The following PDE3A variants were observed in gnomAD, a reference collection of about 807,000 sequenced individuals.
PDE3A encodes cGMP-inhibited 3',5'-cyclic phosphodiesterase 3A.
In PDE3A, 43 loss-of-function variants were observed where a neutral mutation model predicts 98.3. The observed-to-expected ratio is 0.44, with a 90% CI of 0.34 to 0.56. PDE3A has a LOEUF of 0.56. Ranked by LOEUF, PDE3A falls within the 20% of genes least tolerant of loss-of-function variation. The pLI, the probability that PDE3A is intolerant of heterozygous loss-of-function variation, is 0.01. For missense variants in PDE3A, 1,427 were observed against 1,440.7 expected (o/e 0.99, Z 0.15); for synonymous variants, 663 against 567.9 (o/e 1.17, Z -2.38).
intron 1 of PDE3A, among the ~76,000 whole-genome samples, chr12:20,542,237 T>C (rs1025912174): frequency 1.3e-5 from 2 of 152,078 alleles, no homozygotes; most frequent in African/African-American, 4.8e-5. Context: ...ACTTTCACAT[T>C]AAAATTATAT....
Position 20,552,386 on chromosome 12 carries a change from A to T in PDE3A, c.961-4274A>T, listed in dbSNP as rs1942236496. The T allele has an allele frequency of 3.7e-6, 6 of 1,613,396 alleles. No individual in the cohort carries two copies. The highest frequency in any genetic ancestry group is 5.1e-6 in the Non-Finnish European group (6 of 1,179,830). On this transcript the variant is annotated intron_variant, in intron 1 of 15. Coordinates refer to ENST00000359062, the MANE Select transcript of PDE3A (RefSeq NM_000921.5). This position sits in a 1 kb window ranked among gnomAD's most constrained non-coding sequence, Gnocchi z 5.1. Reference sequence around the variant, plus strand: ...TACCTTCTGCGGAGGGACGATGATGAGCCCGGCCCTTGGACGAAGGAGGGG... The same window carrying T: ...TACCTTCTGCGGAGGGACGATGATGTGCCCGGCCCTTGGACGAAGGAGGGG...
At chr12:20,667,542 A>G (rs1235684175) in intron 15 of PDE3A, among the ~76,000 whole-genome samples, 1 of 152,164 alleles carries the variant, frequency 6.6e-6, no homozygotes, top group East Asian at 1.9e-4. Context: ...CCTTTCTTCA[A>G]TATATGTTCT....
At chr12:20,435,094 T>C (rs1591928653) in intron 1 of PDE3A, among the ~76,000 whole-genome samples, 1 of 152,186 alleles carries the variant, frequency 6.6e-6, no homozygotes, top group East Asian at 1.9e-4. Flanking sequence ...TCCTGAGTGC[T>C]GGAGCACAGC....
chr12:20,631,020 T>C (rs545662396), intron 6 of PDE3A, among the ~76,000 whole-genome samples: 179 of 152,298 alleles, frequency 1.2e-3, no homozygotes, highest in African/African-American at 4.2e-3. Context: ...TAGCAACTTA[T>C]ATTAAGCCTC....
chr12:20,502,388 G>C (rs1006464631), intron 1 of PDE3A, among the ~76,000 whole-genome samples: 1 of 152,104 alleles, frequency 6.6e-6, no homozygotes, highest in Non-Finnish European at 1.5e-5. Flanking sequence ...ATGAATCCCC[G>C]CTACCTAGAA....
At chr12:20,654,950 A>G (rs1342547149) in intron 15 of PDE3A, among the ~76,000 whole-genome samples, 2 of 152,116 alleles carry the variant, frequency 1.3e-5, no homozygotes, top group African/African-American at 4.8e-5. Context: ...TTCAACAGAC[A>G]TTTATTGAGC....
intron 1 of PDE3A, among the ~76,000 whole-genome samples, chr12:20,467,998 A>T (rs2120954044): frequency 1.5e-5 from 2 of 133,988 alleles, no homozygotes; most frequent in South Asian, 2.7e-4. Flanking sequence ...TTAATGGATG[A>T]GAACGTTTCT....
chr12:20,570,820 T>C (rs1440432760), intron 2 of PDE3A, among the ~76,000 whole-genome samples: 1 of 152,000 alleles, frequency 6.6e-6, no homozygotes, highest in Non-Finnish European at 1.5e-5. Flanking sequence ...AAACCATGAG[T>C]CTTAAGCTCA....
At chr12:20,386,166 TATATAA>T (rs1943790422) in intron 1 of PDE3A, among the ~76,000 whole-genome samples, 1 of 92,368 alleles carries the variant, frequency 1.1e-5, no homozygotes, top group African/African-American at 4.2e-5. Context: ...TATATATAAA[TATATAA>T]AAATATATAT....
At chr12:20,556,604 A>G in intron 1 of PDE3A, 56 bp from the exon 2 acceptor site, 1 of 1,106,200 alleles carries the variant, frequency 9.0e-7, no homozygotes, top group Non-Finnish European at 1.4e-6. Context: ...ATAAAGAAGA[A>G]AAATGTTTGT....
At chr12:20,522,721 G>A (rs988599726) in intron 1 of PDE3A, among the ~76,000 whole-genome samples, 8 of 152,246 alleles carry the variant, frequency 5.3e-5, no homozygotes, top group Middle Eastern at 3.4e-3. Context: ...TGTGATGTGA[G>A]AGGGCAGAAT....
intron 1 of PDE3A, among the ~76,000 whole-genome samples, chr12:20,412,315 T>C (rs1163052870): frequency 2.0e-5 from 3 of 152,232 alleles, no homozygotes; most frequent in African/African-American, 7.2e-5. Flanking sequence ...TATTGCATGA[T>C]TGCCAGTTTC....
At chr12:20,460,279 G>A (rs1591955326) in intron 1 of PDE3A, among the ~76,000 whole-genome samples, 1 of 152,188 alleles carries the variant, frequency 6.6e-6, no homozygotes, top group East Asian at 1.9e-4. Context: ...GGCCAATAAA[G>A]AGTTTGCACA....
chr12:20,593,731 A>G (rs1366347269), intron 2 of PDE3A, among the ~76,000 whole-genome samples: 2 of 152,176 alleles, frequency 1.3e-5, no homozygotes, highest in Non-Finnish European at 2.9e-5. Flanking sequence ...CAAAGATAAA[A>G]TATTTTCTTT....
At chr12:20,377,050 A>G (rs901759690) in intron 1 of PDE3A, among the ~76,000 whole-genome samples, 5 of 151,724 alleles carry the variant, frequency 3.3e-5, no homozygotes, top group African/African-American at 9.7e-5. Context: ...GGGGGCACAT[A>G]TTGTTTGCTG....
At chr12:20,444,581 T>G (rs558143037) in intron 1 of PDE3A, among the ~76,000 whole-genome samples, 1 of 152,352 alleles carries the variant, frequency 6.6e-6, no homozygotes, top group South Asian at 2.1e-4. Context: ...AGAATATAAT[T>G]GTCTTGACAA....
intron 15 of PDE3A, among the ~76,000 whole-genome samples, chr12:20,655,287 C>T (rs1473268124): frequency 6.6e-6 from 1 of 152,062 alleles, no homozygotes; most frequent in East Asian, 1.9e-4. Context: ...AAAAGACCTG[C>T]AAGAAGCAAG....
intron 1 of PDE3A, among the ~76,000 whole-genome samples, chr12:20,391,073 A>G (rs1438764650): frequency 6.6e-6 from 1 of 151,844 alleles, no homozygotes; most frequent in Non-Finnish European, 1.5e-5. Context: ...CTTTGATCAC[A>G]CTTAAAAAGT....
At chr12:20,509,930 GT>G (rs1316869945) in intron 1 of PDE3A, among the ~76,000 whole-genome samples, 6 of 151,854 alleles carry the variant, frequency 4.0e-5, no homozygotes, top group Non-Finnish European at 7.4e-5. Flanking sequence ...AAAATGTAAT[GT>G]TTTTTAGCCA....
Sources: gnomAD v4.1 joint callset for allele counts (sites outside exome capture counted in the v4.1 genomes callset) on GRCh38, gnomAD v4.1.1 for gene constraint, Gnocchi (gnomAD v3.1) non-coding constraint, MANE v1.5 for transcripts, NCBI Gene and HGNC (gene_info 2026-07-23, HGNC 2026-07-21) for gene names.